GRAMD2B: variants seen among roughly 807,000 people sequenced by gnomAD.
The protein encoded by GRAMD2B is GRAM domain-containing protein 2B.
GRAMD2B carries 41 observed loss-of-function variants against 59.2 expected under a neutral mutation model. The observed-to-expected ratio is 0.69, with a 90% CI of 0.54 to 0.90. GRAMD2B has a LOEUF of 0.90. Ranked by LOEUF, GRAMD2B falls within the 40% of genes least tolerant of loss-of-function variation. GRAMD2B has a pLI of 0.00. For missense variants in GRAMD2B, 424 were observed against 500.5 expected, an observed-to-expected ratio of 0.85 and a Z score of 1.46; for synonymous variants, 161 against 182.7, an observed-to-expected ratio of 0.88 and a Z score of 0.96.
upstream of GRAMD2B, among the ~76,000 whole-genome samples, chr5:126,366,990 G>T (rs961156289): frequency 2.0e-5 from 3 of 151,974 alleles, no homozygotes; most frequent in African/African-American, 7.2e-5. Context: ...GAGTAGCTGG[G>T]ATTACAGGCC....
chr5:126,378,029 T>C (rs951620930), intron 1 of GRAMD2B, among the ~76,000 whole-genome samples: 2 of 152,222 alleles, frequency 1.3e-5, no homozygotes, highest in Non-Finnish European at 2.9e-5. Flanking sequence ...ATTCTTTTTC[T>C]TTCTTTTTTG....
chr5:126,466,494 C>T lies in GRAMD2B; in HGVS notation c.203+949C>T, dbSNP rs531293326. ...AGGCTGGAGTGCAGTGGCACATTCT[C>T]AGCTCACAGCAACCTCCGCCTCCCA... On this transcript the variant is annotated intron_variant, in intron 2 of 13. Coordinates refer to ENST00000285689, the MANE Select transcript of GRAMD2B (RefSeq NM_023927.4). 7.9e-5 allele frequency among the ~76,000 whole-genome samples: 12 copies of T among 151,922 alleles called. No individual in the cohort carries two copies. In the East Asian group the frequency reaches 1.4e-3, roughly 17 times the overall value.
chr5:126,486,863 C>T lies in GRAMD2B; in HGVS notation c.1059-10C>T. On this transcript the variant is annotated splice_polypyrimidine_tract_variant and intron_variant, in intron 11 of 13. Transcript: ENST00000285689. ...AACCTAACGAAAGTTTCTCTTTCAT[C>T]CGTTTCCAGTGTCTGTGCACTAATC... 6.4e-7 allele frequency: 1 copy of T among 1,558,652 alleles called. No homozygotes were observed. Among genetic ancestry groups the T allele is most frequent in the Non-Finnish European group, 8.8e-7 (1 of 1,130,250 alleles).
chr5:126,439,724 G>T (rs773166694), intron 1 of GRAMD2B, among the ~76,000 whole-genome samples: 1 of 152,186 alleles, frequency 6.6e-6, no homozygotes, highest in African/African-American at 2.4e-5. Context: ...AAAAGTCAAT[G>T]ATACGGTTTG....
At chr5:126,375,165 G>A (rs1183621336) in intron 1 of GRAMD2B, among the ~76,000 whole-genome samples, 3 of 151,954 alleles carry the variant, frequency 2.0e-5, no homozygotes, top group African/African-American at 7.3e-5. Context: ...CACCTTTGTT[G>A]TTATTGTAAA....
intron 1 of GRAMD2B, among the ~76,000 whole-genome samples, chr5:126,435,268 A>G (rs1259097165): frequency 1.3e-5 from 2 of 152,212 alleles, no homozygotes; most frequent in Non-Finnish European, 2.9e-5. Flanking sequence ...GATGTAGCCA[A>G]TTTGTGTTTT....
intron 2 of GRAMD2B, among the ~76,000 whole-genome samples, chr5:126,465,807 C>T (rs529994395): frequency 1.3e-4 from 20 of 152,232 alleles, no homozygotes; most frequent in African/African-American, 3.6e-4. Flanking sequence ...CCCTCTCTGG[C>T]ATATGTTTAG....
chr5:126,475,371 C>A (rs1770383039), intron 5 of GRAMD2B, among the ~76,000 whole-genome samples: 1 of 152,130 alleles, frequency 6.6e-6, no homozygotes, highest in South Asian at 2.1e-4. Flanking sequence ...AAATTTCTAG[C>A]CCTTTGTCAC....
chr5:126,455,408 C>T (rs1317124414), intron 1 of GRAMD2B, among the ~76,000 whole-genome samples: 1 of 152,176 alleles, frequency 6.6e-6, no homozygotes, highest in Non-Finnish European at 1.5e-5. Context: ...TCTGCTTCTT[C>T]CTGCTGCCTG....
At chr5:126,468,204 G>A (rs567106595) in intron 2 of GRAMD2B, among the ~76,000 whole-genome samples, 2 of 152,096 alleles carry the variant, frequency 1.3e-5, no homozygotes, top group Admixed American at 6.5e-5. Flanking sequence ...TTGAAGTTAC[G>A]TACAAATGTA....
At chr5:126,410,898 T>C (rs1758723110) in intron 1 of GRAMD2B, among the ~76,000 whole-genome samples, 1 of 152,098 alleles carries the variant, frequency 6.6e-6, no homozygotes, top group Admixed American at 6.6e-5. Context: ...GTTGACTGTT[T>C]GTATGTCTTC....
At position 126,493,313 on chromosome 5, in the gene GRAMD2B, G is replaced by A. The variant is rs555510215; in HGVS notation, c.*357G>A. 3 of 243,998 alleles carry A rather than the reference G, an allele frequency of 1.2e-5. No homozygotes were observed. The highest frequency in any genetic ancestry group is 4.4e-5 in the African/African-American group (2 of 45,456). The allele number at this position is 243,998 out of a possible 1,614,324, so 15.1% of individuals were successfully genotyped here. On this transcript the variant is annotated 3_prime_UTR_variant, in exon 14 of 14. Coordinates refer to ENST00000285689, the MANE Select transcript of GRAMD2B (RefSeq NM_023927.4). ...CCTTTTTAGTCCTTCCCGCCCTCCTGCCTCTCCCTTACACCCCTCTTAACG... is the reference window on the plus strand; with the variant it reads ...CCTTTTTAGTCCTTCCCGCCCTCCTACCTCTCCCTTACACCCCTCTTAACG...
chr5:126,479,109 CT>C (rs1436525584), intron 6 of GRAMD2B, among the ~76,000 whole-genome samples: 3 of 152,162 alleles, frequency 2.0e-5, no homozygotes, highest in African/African-American at 7.2e-5. Flanking sequence ...GGTCTGGTTA[CT>C]TTTCACATGA....
At chr5:126,420,874 A>G (rs547378329), upstream of GRAMD2B, among the ~76,000 whole-genome samples, 3 of 152,338 alleles carry the variant, frequency 2.0e-5, no homozygotes, top group Admixed American at 2.0e-4. Flanking sequence ...CAAATGTGGT[A>G]TATACATGCA....
chr5:126,389,894 G>A (rs1756565358), intron 1 of GRAMD2B, among the ~76,000 whole-genome samples: 1 of 152,126 alleles, frequency 6.6e-6, no homozygotes, highest in Admixed American at 6.5e-5. Context: ...GTTGCAGTGA[G>A]CCAAGATCAT....
At chr5:126,395,090 T>C (rs1242133517) in intron 1 of GRAMD2B, among the ~76,000 whole-genome samples, 1 of 8,308 alleles carries the variant, frequency 1.2e-4, no homozygotes, top group African/African-American at 2.1e-4. Flanking sequence ...GAGTTACACT[T>C]TTTTTTTTGT....
chr5:126,375,537 T>A (rs1403856769), intron 1 of GRAMD2B, among the ~76,000 whole-genome samples: 2 of 151,870 alleles, frequency 1.3e-5, no homozygotes, highest in African/African-American at 4.8e-5. Context: ...ACCTGGCTAA[T>A]TTTTTTGTAT....
At chr5:126,466,206 G>A in intron 2 of GRAMD2B, 1 of 1,531,732 alleles carries the variant, frequency 6.5e-7, no homozygotes, top group East Asian at 2.4e-5. Context: ...ACCATTATTA[G>A]AACTTTGAGA....
intron 5 of GRAMD2B, among the ~76,000 whole-genome samples, chr5:126,475,978 C>T (rs930360355): frequency 3.3e-5 from 5 of 152,164 alleles, no homozygotes; most frequent in Non-Finnish European, 5.9e-5. Context: ...CATGGTGGTA[C>T]ATGCCTGTAA....
Sources: allele counts gnomAD v4.1 joint callset (sites outside exome capture counted in the v4.1 genomes callset), GRCh38; gene constraint gnomAD v4.1.1; transcripts MANE v1.5; gene names NCBI Gene and HGNC (gene_info 2026-07-23, HGNC 2026-07-21).